CPSF3: variants seen among roughly 807,000 people sequenced by gnomAD.
The protein encoded by CPSF3 is cleavage and polyadenylation specific factor 3.
CPSF3 carries 57 observed loss-of-function variants against 84.1 expected under a neutral mutation model. The observed-to-expected ratio is 0.68, with a 90% CI of 0.55 to 0.85. The LOEUF (loss-of-function observed/expected upper bound fraction) is 0.85. CPSF3 is among the 40% of genes least tolerant of loss of function. The pLI, the probability that CPSF3 is intolerant of heterozygous loss-of-function variation, is 0.00. For missense variants in CPSF3, 522 were observed against 838.8 expected, an observed-to-expected ratio of 0.62 and a Z score of 4.66; for synonymous variants, 275 against 278.1, an observed-to-expected ratio of 0.99 and a Z score of 0.11.
intron 10 of CPSF3, 77 bp downstream of exon 10, chr2:9,443,738 AC>A (rs1290809595): frequency 1.1e-5 from 16 of 1,510,582 alleles, no homozygotes; most frequent in Non-Finnish European, 3.6e-6. Flanking sequence ...CAGGCAGTTC[AC>A]AAAGCAGGCA....
chr2:9,429,680 AAAG>A (rs1324479318), intron 2 of CPSF3, among the ~76,000 whole-genome samples: 13 of 152,320 alleles, frequency 8.5e-5, no homozygotes, highest in Non-Finnish European at 1.9e-4. Flanking sequence ...AAGTAGCTGG[AAAG>A]AAGCTGTTTT....
intron 15 of CPSF3, among the ~76,000 whole-genome samples, chr2:9,465,610 T>A (rs1047064655): frequency 6.6e-6 from 1 of 152,012 alleles, no homozygotes; most frequent in Non-Finnish European, 1.5e-5. Context: ...GGAAATTGGT[T>A]ATGTATATTT....
At chr2:9,468,654 TCTCA>T (rs1334136111) in intron 16 of CPSF3, among the ~76,000 whole-genome samples, 1 of 129,788 alleles carries the variant, frequency 7.7e-6, no homozygotes, top group Non-Finnish European at 1.6e-5. Context: ...TGAGACGGAG[TCTCA>T]CTCTGTCGCC....
chr2:9,472,846 G>A (rs1682227222), intron 17 of CPSF3, 70 bp from the exon 18 acceptor site: 2 of 1,045,564 alleles, frequency 1.9e-6, no homozygotes, highest in South Asian at 2.7e-5. Context: ...TTTTTAAAGA[G>A]TATTCATTTA....
intron 10 of CPSF3, among the ~76,000 whole-genome samples, chr2:9,444,918 G>A (rs749397993): frequency 1.3e-5 from 2 of 151,962 alleles, no homozygotes; most frequent in Non-Finnish European, 2.9e-5. Context: ...TGCCCGCCTC[G>A]GCCTCCCAAA....
chr2:9,450,329 A>G (rs1681279321), intron 11 of CPSF3, among the ~76,000 whole-genome samples: 1 of 151,322 alleles, frequency 6.6e-6, no homozygotes, highest in Admixed American at 6.6e-5. Context: ...TTTTTTTTGT[A>G]TTTTTAGTAG....
chr2:9,436,493 G>A (rs988617071), intron 7 of CPSF3, 132 bp downstream of exon 7: 52 of 1,007,560 alleles, frequency 5.2e-5, no homozygotes, highest in Admixed American at 9.1e-5. Context: ...GAGATTTGGG[G>A]CCGGGCGCGG....
At chr2:9,442,274 C>A (rs1312395587) in intron 9 of CPSF3, among the ~76,000 whole-genome samples, 1 of 152,128 alleles carries the variant, frequency 6.6e-6, no homozygotes. Flanking sequence ...TGAATACTCT[C>A]CGTCCTCTCA....
At chr2:9,466,196 TCACACACACACGCG>T (rs1558465906) in intron 15 of CPSF3, among the ~76,000 whole-genome samples, 19 of 141,650 alleles carry the variant, frequency 1.3e-4, no homozygotes, top group East Asian at 1.1e-3. Context: ...ACACACGCGC[TCACACACACACGCG>T]CACACACGCA....
intron 9 of CPSF3, 146 bp from the exon 10 acceptor site, chr2:9,443,369 A>C (rs1681019042): frequency 2.8e-6 from 2 of 713,374 alleles, no homozygotes; most frequent in South Asian, 4.5e-5. Flanking sequence ...AGTATTTGAT[A>C]TTTACTGAGT....
At chr2:9,432,774 C>CT (rs1680636192) in intron 5 of CPSF3, 86 bp downstream of exon 5, 5 of 1,051,584 alleles carry the variant, frequency 4.8e-6, no homozygotes, top group Non-Finnish European at 6.3e-6. Flanking sequence ...AAAAAATTCC[C>CT]TAAGACTTGC....
intron 8 of CPSF3, 120 bp from the exon 9 acceptor site, chr2:9,441,698 G>A (rs1187311645): frequency 1.0e-6 from 1 of 991,670 alleles, no homozygotes; most frequent in African/African-American, 1.6e-5. Flanking sequence ...TACAGATCTT[G>A]TGAAGGCTCT....
At chr2:9,467,936 C>T in intron 16 of CPSF3, 160 bp downstream of exon 16, 2 of 593,400 alleles carry the variant, frequency 3.4e-6, no homozygotes, top group Non-Finnish European at 5.9e-6. Flanking sequence ...GGGGCTGGAA[C>T]CGTTCCCTGC....
At position 9,443,783 on chromosome 2, in the gene CPSF3, A is replaced by G; in HGVS notation, c.1242+122A>G. On this transcript the variant is annotated intron_variant, in intron 10 of 17. Coordinates refer to ENST00000238112, the MANE Select transcript of CPSF3 (RefSeq NM_016207.4). ...TACTAATGCGACACCCCCTGAGCAG[A>G]GCCTTTCACATGCACTCGGATTTGG... 5 of 1,037,782 alleles carry G rather than the reference A, an allele frequency of 4.8e-6. No homozygotes were observed. In the South Asian group the frequency reaches 4.9e-5, roughly 10 times the overall value. The allele number at this position is 1,037,782 out of a possible 1,614,324, so 64.3% of individuals were successfully genotyped here. A position where few individuals can be genotyped will look rare whatever the true frequency, so the allele number is the denominator to read the frequency against.
chr2:9,462,501 ATGT>A (rs1681763933), intron 15 of CPSF3, among the ~76,000 whole-genome samples: 2 of 152,204 alleles, frequency 1.3e-5, no homozygotes, highest in Non-Finnish European at 1.5e-5. Flanking sequence ...GATCACAGAG[ATGT>A]TGTCAGGATG....
chr2:9,461,743 CTTT>C (rs530424404), intron 15 of CPSF3, among the ~76,000 whole-genome samples: 74 of 105,268 alleles, frequency 7.0e-4, no homozygotes, highest in Non-Finnish European at 8.9e-4. Flanking sequence ...GAAGGAGGAT[CTTT>C]TTTTTTTTTT....
intron 15 of CPSF3, among the ~76,000 whole-genome samples, chr2:9,467,282 T>A (rs1682011147): frequency 6.6e-6 from 1 of 152,136 alleles, no homozygotes; most frequent in Admixed American, 6.5e-5. Flanking sequence ...AATAGAAAGC[T>A]AAATTTATAT....
chr2:9,469,444 G>C (rs147838035), intron 16 of CPSF3, among the ~76,000 whole-genome samples: 92 of 152,254 alleles, frequency 6.0e-4, no homozygotes, highest in African/African-American at 2.1e-3. Context: ...GGCTCTACAA[G>C]AATAGAAAAC....
At chr2:9,458,776 G>A (rs1681620459) in intron 14 of CPSF3, among the ~76,000 whole-genome samples, 1 of 151,924 alleles carries the variant, frequency 6.6e-6, no homozygotes. Flanking sequence ...AAAGCCAGGG[G>A]ATCTGAGGCT....
Sources: allele counts gnomAD v4.1 joint callset (sites outside exome capture counted in the v4.1 genomes callset), GRCh38; gene constraint gnomAD v4.1.1; transcripts MANE v1.5; gene names NCBI Gene and HGNC (gene_info 2026-07-23, HGNC 2026-07-21).